The following STXBP5 variants were observed in gnomAD, a reference collection of about 807,000 sequenced individuals.
STXBP5 encodes syntaxin-binding protein 5.
STXBP5 carries 50 observed loss-of-function variants against 152.4 expected under a neutral mutation model. The observed-to-expected ratio is 0.33, with a 90% CI of 0.26 to 0.42. The LOEUF (loss-of-function observed/expected upper bound fraction) is 0.42. Among genes scored for constraint, STXBP5 ranks in the 10% least tolerant of loss-of-function variants. The probability of loss-of-function intolerance (pLI) is 1.00; values close to 1 mark genes in which losing one functional copy is unlikely to be tolerated. For missense variants in STXBP5, 1,167 were observed against 1,388.6 expected (o/e 0.84, Z 2.54); for synonymous variants, 492 against 494.7 (o/e 0.99, Z 0.07).
At chr6:147,266,636 A>G (rs1779906956) in intron 6 of STXBP5, among the ~76,000 whole-genome samples, 1 of 152,074 alleles carries the variant, frequency 6.6e-6, no homozygotes, top group African/African-American at 2.4e-5. Context: ...GGGCACATTT[A>G]CTTTGAGGCT....
chr6:147,212,408 T>C (rs1314939072), intron 2 of STXBP5, among the ~76,000 whole-genome samples: 1 of 152,218 alleles, frequency 6.6e-6, no homozygotes, highest in Non-Finnish European at 1.5e-5. Context: ...AAAGGCATTT[T>C]GGAAGAATTG....
chr6:147,323,838 A>C (rs781362957), intron 16 of STXBP5, among the ~76,000 whole-genome samples: 7 of 152,218 alleles, frequency 4.6e-5, no homozygotes, highest in Non-Finnish European at 8.8e-5. Flanking sequence ...GCTGGTGAGT[A>C]ACAGAATCAG....
intron 2 of STXBP5, among the ~76,000 whole-genome samples, chr6:147,206,474 T>G (rs1278342245): frequency 6.6e-6 from 1 of 152,226 alleles, no homozygotes; most frequent in Non-Finnish European, 1.5e-5. Flanking sequence ...CCTATTCTAA[T>G]AAATTAGAGA....
At chr6:147,334,318 C>CAT (rs1224025006) in intron 19 of STXBP5, 96 bp downstream of exon 19, 1 of 1,105,716 alleles carries the variant, frequency 9.0e-7, no homozygotes, top group Non-Finnish European at 1.3e-6. Context: ...ATTTAAAATA[C>CAT]ATCTACGAAA....
intron 6 of STXBP5, among the ~76,000 whole-genome samples, chr6:147,262,649 C>A (rs1341890731): frequency 2.0e-5 from 3 of 151,790 alleles, no homozygotes; most frequent in African/African-American, 7.3e-5. Context: ...TTCTGTTAAT[C>A]CTGGTAAAAA....
In STXBP5 at chr6:147,385,277, A is replaced by G. The variant is rs1015822324; in HGVS notation, c.*522A>G. 1 of 152,468 alleles carries G rather than the reference A, an allele frequency of 6.6e-6. No homozygotes were observed. The highest frequency in any genetic ancestry group is 2.1e-4 in the South Asian group (1 of 4,838). The allele number at this position is 152,468 out of a possible 1,614,324, so 9.4% of individuals were successfully genotyped here. On this transcript the variant is annotated 3_prime_UTR_variant, in exon 28 of 28. Coordinates refer to ENST00000321680, the MANE Select transcript of STXBP5 (RefSeq NM_001127715.4). ...AGTATCATTAGTGAAAAAGAAACAA[A>G]TTGTTTGTTATCATCTCTTTAGACA...
intron 4 of STXBP5, among the ~76,000 whole-genome samples, chr6:147,245,813 G>A (rs1778783178): frequency 6.6e-6 from 1 of 152,164 alleles, no homozygotes; most frequent in African/African-American, 2.4e-5. Flanking sequence ...GAGTGATGCA[G>A]CTATAAGCCA....
At chr6:147,330,131 A>C (rs1335038707) in intron 18 of STXBP5, among the ~76,000 whole-genome samples, 1 of 152,204 alleles carries the variant, frequency 6.6e-6, no homozygotes, top group African/African-American at 2.4e-5. Flanking sequence ...TAAAAATTCT[A>C]GAACTGTCAC....
intron 2 of STXBP5, among the ~76,000 whole-genome samples, chr6:147,213,171 G>C (rs1776947772): frequency 6.6e-6 from 1 of 152,054 alleles, no homozygotes; most frequent in African/African-American, 2.4e-5. Flanking sequence ...CTGGACTATA[G>C]GTTTGAGTAT....
chr6:147,298,155 A>G (rs576276796), intron 9 of STXBP5, among the ~76,000 whole-genome samples: 162 of 152,234 alleles, frequency 1.1e-3, no homozygotes, highest in Non-Finnish European at 1.9e-3. Context: ...GTATGGAAAA[A>G]GATATTTCAT....
chr6:147,262,440 A>G (rs1181790167), intron 6 of STXBP5, 87 bp downstream of exon 6: 1 of 748,064 alleles, frequency 1.3e-6, no homozygotes, highest in East Asian at 2.9e-5. Flanking sequence ...CACACTTATT[A>G]CAAATTGAGA....
intron 4 of STXBP5, among the ~76,000 whole-genome samples, chr6:147,250,126 A>G (rs1416218199): frequency 6.6e-6 from 1 of 152,238 alleles, no homozygotes; most frequent in Non-Finnish European, 1.5e-5. Context: ...CAGGCTGATA[A>G]AAGAACTCAG....
In STXBP5 at chr6:147,327,013, A is replaced by G. The variant is rs1783293875; in HGVS notation, c.1929-112A>G. The G allele has an allele frequency of 1.3e-5, 13 of 966,046 alleles. No homozygotes were observed. In the South Asian group the frequency reaches 1.8e-4, roughly 13 times the overall value. The allele number at this position is 966,046 out of a possible 1,614,324, so 59.8% of individuals were successfully genotyped here. ...GTTCCTATAGTTGTCTTTTGTTTCA[A>G]AGAATTTTCTGAAAGACCCACCATG... On this transcript the variant is annotated intron_variant, in intron 17 of 27. Coordinates refer to ENST00000321680, the MANE Select transcript of STXBP5 (RefSeq NM_001127715.4).
At chr6:147,332,678 C>T (rs545188177) in intron 18 of STXBP5, among the ~76,000 whole-genome samples, 1 of 152,174 alleles carries the variant, frequency 6.6e-6, no homozygotes. Context: ...GGATCATCTA[C>T]ATCACCCAAC....
intron 6 of STXBP5, among the ~76,000 whole-genome samples, chr6:147,263,908 T>C (rs1251942529): frequency 6.6e-6 from 1 of 152,010 alleles, no homozygotes; most frequent in African/African-American, 2.4e-5. Flanking sequence ...TGTGTGCATA[T>C]CTCAGCTCCC....
At chr6:147,221,857 C>G (rs1777478051) in intron 2 of STXBP5, among the ~76,000 whole-genome samples, 1 of 151,440 alleles carries the variant, frequency 6.6e-6, no homozygotes, top group Non-Finnish European at 1.5e-5. Context: ...TTAAATATTT[C>G]TTTCTGTTCC....
At position 147,359,237 on chromosome 6, in the gene STXBP5, C is replaced by A; in HGVS notation, c.2459C>A (p.Thr820Lys). ...TCCCCTTGTCTATGGGTTGGAACAA[C>A]GCTAGGAACAGTGCTTGTCATTGCA... Reference protein sequence around the residue: ...SPSPCLWVGTTLGTVLVIALN... With the variant: ...SPSPCLWVGTKLGTVLVIALN... Residue 820 changes from threonine (T) to lysine (K), a missense_variant, in exon 23 of 28, where the codon ACG becomes AAG. Transcript: ENST00000321680. The A allele has an allele frequency of 6.2e-7, 1 of 1,614,038 alleles. No individual in the cohort carries two copies. The highest frequency in any genetic ancestry group is 8.5e-7 in the Non-Finnish European group (1 of 1,179,940).
At position 147,275,785 on chromosome 6, in the gene STXBP5, C is replaced by T. The variant is rs1780416336; in HGVS notation, c.715-2296C>T. ...TGTTAGCCAGGATGGTCTTGATCTC[C>T]TGACCTCATGATCCACCCGCCTTGG... On this transcript the variant is annotated intron_variant, in intron 7 of 27. Coordinates refer to ENST00000321680, the MANE Select transcript of STXBP5 (RefSeq NM_001127715.4). Among the ~76,000 whole-genome samples the T allele has an allele frequency of 2.0e-5, 3 of 151,930 alleles. No homozygotes were observed. In the South Asian group the frequency reaches 6.2e-4, roughly 32 times the overall value.
intron 2 of STXBP5, among the ~76,000 whole-genome samples, chr6:147,234,829 T>A (rs1174465196): frequency 6.6e-6 from 1 of 152,000 alleles, no homozygotes; most frequent in African/African-American, 2.4e-5. Flanking sequence ...TTACTATTCC[T>A]AAAAGCAACA....
Sources: allele counts gnomAD v4.1 joint callset (sites outside exome capture counted in the v4.1 genomes callset), GRCh38; gene constraint gnomAD v4.1.1; transcripts MANE v1.5; gene names NCBI Gene and HGNC (gene_info 2026-07-23, HGNC 2026-07-21).